REEP1: variants seen among roughly 807,000 people sequenced by gnomAD.
REEP1 encodes receptor accessory protein 1, also known as receptor expression-enhancing protein 1.
In REEP1, 22 loss-of-function variants were observed where a neutral mutation model predicts 40.3. The observed-to-expected ratio is 0.55, with a 90% CI of 0.39 to 0.78. REEP1 has a LOEUF of 0.78. Among genes scored for constraint, REEP1 ranks in the 30% least tolerant of loss-of-function variants. The probability of loss-of-function intolerance (pLI) is 0.00; values close to 1 mark genes in which losing one functional copy is unlikely to be tolerated. For missense variants in REEP1, 280 were observed against 361.1 expected (o/e 0.78, Z 1.82); for synonymous variants, 116 against 139.2 (o/e 0.83, Z 1.17).
chr2:86,304,157 G>A (rs375101498), intron 1 of REEP1, among the ~76,000 whole-genome samples: 4 of 152,196 alleles, frequency 2.6e-5, no homozygotes, highest in African/African-American at 7.2e-5. Context: ...AAGGAAGGTG[G>A]GTGAAGAGCC....
chr2:86,336,027 A>G (rs553671949), intron 1 of REEP1, among the ~76,000 whole-genome samples: 1 of 152,162 alleles, frequency 6.6e-6, no homozygotes, highest in East Asian at 1.9e-4. Flanking sequence ...TCAACTCTCC[A>G]GCCCCACCCT....
At chr2:86,233,602 C>T (rs909537982) in intron 5 of REEP1, among the ~76,000 whole-genome samples, 2 of 152,112 alleles carry the variant, frequency 1.3e-5, no homozygotes, top group Non-Finnish European at 2.9e-5. Flanking sequence ...TGAAAATGAT[C>T]ACAGTGAAGG....
At chr2:86,292,171 C>A (rs931232461) in intron 1 of REEP1, among the ~76,000 whole-genome samples, 10 of 152,116 alleles carry the variant, frequency 6.6e-5, no homozygotes, top group African/African-American at 2.4e-4. Flanking sequence ...CTACTCTGAA[C>A]CAGTTTCCTT....
chr2:86,275,104 C>A (rs545005368), intron 2 of REEP1, among the ~76,000 whole-genome samples: 1 of 152,136 alleles, frequency 6.6e-6, no homozygotes, highest in East Asian at 1.9e-4. Context: ...CTGGGCCCTG[C>A]GCTTCAGCCT....
At chr2:86,292,394 G>C (rs536530713) in intron 1 of REEP1, among the ~76,000 whole-genome samples, 1 of 152,324 alleles carries the variant, frequency 6.6e-6, no homozygotes, top group Admixed American at 6.5e-5. Flanking sequence ...AGCACCTACT[G>C]TGTGCCCTGG....
chr2:86,312,337 C>T (rs1200423824), intron 1 of REEP1, among the ~76,000 whole-genome samples: 1 of 152,184 alleles, frequency 6.6e-6, no homozygotes, highest in Non-Finnish European at 1.5e-5. Flanking sequence ...TCCATGCACC[C>T]TCCCTGGACC....
intron 4 of REEP1, 57 bp from the exon 5 acceptor site, chr2:86,252,127 T>A: frequency 8.2e-7 from 1 of 1,219,512 alleles, no homozygotes; most frequent in Non-Finnish European, 1.2e-6. Context: ...CATCTCTGTT[T>A]TCTTTCCTTT....
chr2:86,226,331 G>T (rs1349469176), intron 7 of REEP1, among the ~76,000 whole-genome samples: 3 of 152,090 alleles, frequency 2.0e-5, no homozygotes, highest in Non-Finnish European at 4.4e-5. Flanking sequence ...CAGGAACAGG[G>T]CTCCCTTGGC....
chr2:86,332,499 A>T (rs1680822436), intron 1 of REEP1, among the ~76,000 whole-genome samples: 1 of 151,802 alleles, frequency 6.6e-6, no homozygotes, highest in Non-Finnish European at 1.5e-5. Context: ...ACTCATACGT[A>T]CACAAAACAG....
chr2:86,337,382 C>T lies in REEP1; in HGVS notation c.32+97G>A. On this transcript the variant is annotated intron_variant, in intron 1 of 8. Coordinates refer to ENST00000538924, the MANE Select transcript of REEP1 (RefSeq NM_001371279.1). This position sits in a 1 kb window ranked among gnomAD's most constrained non-coding sequence, Gnocchi z 5.8. Reference sequence around the variant, plus strand: ...TTAGCTGCGCCGGGTATTAATAGCCCGAGCCACTGGGACCGGGCGCTGTAG... The same window carrying T: ...TTAGCTGCGCCGGGTATTAATAGCCTGAGCCACTGGGACCGGGCGCTGTAG... The T allele has an allele frequency of 1.3e-6, 1 of 788,126 alleles. No homozygotes were observed. The highest frequency in any genetic ancestry group is 1.7e-6 in the Non-Finnish European group (1 of 596,154). 48.8% of individuals were successfully genotyped at this position (788,126 alleles called of 1,614,324 possible).
intron 1 of REEP1, among the ~76,000 whole-genome samples, chr2:86,306,927 A>G (rs570535860): frequency 1.3e-4 from 20 of 152,158 alleles, no homozygotes; most frequent in African/African-American, 4.8e-4. Flanking sequence ...ACACCTGGCC[A>G]GGCACAGTGG....
intron 1 of REEP1, among the ~76,000 whole-genome samples, chr2:86,316,585 G>C (rs1159739369): frequency 6.7e-6 from 1 of 149,618 alleles, no homozygotes; most frequent in South Asian, 2.1e-4. Context: ...AGGGCCAGGC[G>C]TGGTGGCTCA....
At chr2:86,325,222 T>C (rs1680450809) in intron 1 of REEP1, among the ~76,000 whole-genome samples, 1 of 152,200 alleles carries the variant, frequency 6.6e-6, no homozygotes, top group Admixed American at 6.5e-5. Context: ...TACTCCAATC[T>C]GGGCAATAGA....
intron 1 of REEP1, among the ~76,000 whole-genome samples, chr2:86,290,855 A>T (rs950231296): frequency 6.6e-6 from 1 of 152,178 alleles, no homozygotes; most frequent in Non-Finnish European, 1.5e-5. Flanking sequence ...TTTGGTTGCC[A>T]TGGGTCCCAA....
At chr2:86,337,683 T>C (rs1681119964), upstream of REEP1, 3 of 998,710 alleles carry the variant, frequency 3.0e-6, no homozygotes, top group Non-Finnish European at 3.6e-6. The surrounding 1 kb of genome is among the most constrained non-coding windows in gnomAD (Gnocchi z 5.8). Context: ...CGGCACGTTC[T>C]GGCGGCGGCG....
chr2:86,219,447 TTTTC>T (rs1674297630), intron 8 of REEP1, among the ~76,000 whole-genome samples: 1 of 137,220 alleles, frequency 7.3e-6, no homozygotes, highest in Non-Finnish European at 1.5e-5. Flanking sequence ...TTTGTTTTTC[TTTTC>T]TTTTTTTTTT....
At chr2:86,221,046 G>C (rs1674398126) in intron 7 of REEP1, among the ~76,000 whole-genome samples, 1 of 152,134 alleles carries the variant, frequency 6.6e-6, no homozygotes, top group South Asian at 2.1e-4. Flanking sequence ...GCAAGACTAA[G>C]GGGTTCTCAA....
intron 1 of REEP1, among the ~76,000 whole-genome samples, chr2:86,324,406 A>T (rs1558937652): frequency 6.6e-6 from 1 of 152,176 alleles, no homozygotes; most frequent in Non-Finnish European, 1.5e-5. Flanking sequence ...CAGTCTCATG[A>T]GTGTTCAGAA....
At chr2:86,294,250 C>T (rs762146222) in intron 1 of REEP1, among the ~76,000 whole-genome samples, 2 of 152,202 alleles carry the variant, frequency 1.3e-5, no homozygotes, top group Non-Finnish European at 2.9e-5. Context: ...ATATACACTA[C>T]TGACTGTACA....
Sources: allele counts gnomAD v4.1 joint callset (sites outside exome capture counted in the v4.1 genomes callset), GRCh38; gene constraint gnomAD v4.1.1; non-coding constraint Gnocchi (gnomAD v3.1); transcripts MANE v1.5; gene names NCBI Gene and HGNC (gene_info 2026-07-23, HGNC 2026-07-21).